SGIP1: variants seen among roughly 807,000 people sequenced by gnomAD.
The protein encoded by SGIP1 is SH3GL interacting endocytic adaptor 1.
In SGIP1, 38 loss-of-function variants were observed where a neutral mutation model predicts 107.5. The ratio of observed to expected loss-of-function variants is 0.35; its 90% CI spans 0.27 to 0.46. SGIP1 has a LOEUF of 0.46. SGIP1 is among the 20% of genes least tolerant of loss of function. The pLI is 1.00. For missense variants in SGIP1, 929 were observed against 1,019.5 expected (o/e 0.91, Z 1.21); for synonymous variants, 365 against 366.1 (o/e 1.00, Z 0.03).
intron 1 of SGIP1, among the ~76,000 whole-genome samples, chr1:66,594,557 G>A (rs567808385): frequency 6.6e-6 from 1 of 152,264 alleles, no homozygotes; most frequent in Admixed American, 6.5e-5. Context: ...CAGGTACTTG[G>A]TTTTGCCAGT....
At chr1:66,676,207 G>C (rs1026482202) in intron 12 of SGIP1, among the ~76,000 whole-genome samples, 1 of 152,158 alleles carries the variant, frequency 6.6e-6, no homozygotes, top group African/African-American at 2.4e-5. Context: ...AAGGTCCTAC[G>C]GTCAGTGCAG....
At chr1:66,616,948 A>G (rs2069470919) in intron 1 of SGIP1, among the ~76,000 whole-genome samples, 1 of 152,074 alleles carries the variant, frequency 6.6e-6, no homozygotes, top group Non-Finnish European at 1.5e-5. Context: ...TTTGCAATCT[A>G]TTGCTAATGG....
At position 66,745,224 on chromosome 1, in the gene SGIP1, A is replaced by T. The variant is rs2094536715; in HGVS notation, c.*2129A>T. 2 of 152,048 alleles carry T rather than the reference A, an allele frequency of 1.3e-5. No homozygotes were observed. The highest frequency in any genetic ancestry group is 4.1e-4 in the South Asian group (2 of 4,830). 9.4% of individuals were successfully genotyped at this position (152,048 alleles called of 1,614,324 possible). A position where few individuals can be genotyped will look rare whatever the true frequency, so the allele number is the denominator to read the frequency against. ...TTTAAAAATTTAATTAAAAACATAG[A>T]TTACAGTAATCTCTAACATTATTCA... On this transcript the variant is annotated 3_prime_UTR_variant, in exon 25 of 25. Coordinates refer to ENST00000371037, the MANE Select transcript of SGIP1 (RefSeq NM_032291.4).
intron 17 of SGIP1, among the ~76,000 whole-genome samples, chr1:66,692,389 T>C (rs1214968818): frequency 6.6e-6 from 1 of 152,174 alleles, no homozygotes; most frequent in African/African-American, 2.4e-5. Flanking sequence ...TTTAATCTGT[T>C]TGATTTTGTT....
chr1:66,628,698 T>G (rs980502024), intron 2 of SGIP1, among the ~76,000 whole-genome samples: 3 of 152,210 alleles, frequency 2.0e-5, no homozygotes, highest in African/African-American at 7.2e-5. Flanking sequence ...GCTGAACTAA[T>G]TTACATGTAG....
At chr1:66,648,779 A>G (rs1168011128) in intron 7 of SGIP1, among the ~76,000 whole-genome samples, 1 of 152,102 alleles carries the variant, frequency 6.6e-6, no homozygotes, top group Non-Finnish European at 1.5e-5. Context: ...ATCACAAGCC[A>G]GTGTGTAGTA....
intron 1 of SGIP1, among the ~76,000 whole-genome samples, chr1:66,560,586 CA>C (rs2058785576): frequency 6.6e-6 from 1 of 152,140 alleles, no homozygotes; most frequent in South Asian, 2.1e-4. Flanking sequence ...AGTGAACTGC[CA>C]AAAACTACTT....
At chr1:66,630,847 GAAAGAAAGAAAGAAAGAAAGAAAGAAA>G (rs2074200511) in intron 2 of SGIP1, among the ~76,000 whole-genome samples, 6 of 17,284 alleles carry the variant, frequency 3.5e-4, no homozygotes, top group African/African-American at 1.8e-3. Flanking sequence ...AAGAAAGAAA[GAAAGAAAGAAAGAAAGAAAGAAAGAAA>G]GAAAGAAAGA....
intron 1 of SGIP1, among the ~76,000 whole-genome samples, chr1:66,589,791 G>A (rs1389323262): frequency 6.6e-6 from 1 of 151,980 alleles, no homozygotes. Flanking sequence ...ACCCTCCATG[G>A]CCTATACAAA....
chr1:66,597,977 T>C (rs184413941), intron 1 of SGIP1, among the ~76,000 whole-genome samples: 4 of 152,010 alleles, frequency 2.6e-5, no homozygotes, highest in Non-Finnish European at 5.9e-5. Context: ...GATTTTAAAG[T>C]CCTATATAGT....
intron 12 of SGIP1, among the ~76,000 whole-genome samples, chr1:66,676,307 A>G (rs980503153): frequency 6.6e-6 from 1 of 152,226 alleles, no homozygotes; most frequent in Admixed American, 6.5e-5. Flanking sequence ...TCCCTGCCAC[A>G]GGATAGGTAC....
chr1:66,733,444 G>A (rs2094107150), intron 20 of SGIP1, among the ~76,000 whole-genome samples: 1 of 152,138 alleles, frequency 6.6e-6, no homozygotes, highest in Non-Finnish European at 1.5e-5. Context: ...TTAAGTTTGA[G>A]TTAATAAATA....
intron 1 of SGIP1, among the ~76,000 whole-genome samples, chr1:66,609,420 G>A (rs1039130747): frequency 1.3e-5 from 2 of 152,152 alleles, no homozygotes; most frequent in Non-Finnish European, 2.9e-5. Context: ...AAGCAAATAT[G>A]TAGAGCACAA....
rs116062907 is a variant in SGIP1 at position 66,551,011 on chromosome 1, G to C, written c.10+16643G>C. On this transcript the variant is annotated intron_variant, in intron 1 of 24. Coordinates refer to ENST00000371037, the MANE Select transcript of SGIP1 (RefSeq NM_032291.4). ...TCTCTGCACCACAGCAATTGACAGT[G>C]ATAATAACTAAGATTATTATAGCAT... 6.6e-3 allele frequency among the ~76,000 whole-genome samples: 1,005 copies of C among 152,212 alleles called. 10 individuals are homozygous for C. The highest frequency in any genetic ancestry group is 0.023 in the African/African-American group (940 of 41,550).
At chr1:66,554,752 T>G (rs143031909) in intron 1 of SGIP1, among the ~76,000 whole-genome samples, 2 of 152,090 alleles carry the variant, frequency 1.3e-5, no homozygotes, top group African/African-American at 4.8e-5. Context: ...AAATTCAGAA[T>G]CTAAGACACT....
intron 1 of SGIP1, among the ~76,000 whole-genome samples, chr1:66,597,454 C>T (rs546325378): frequency 6.6e-6 from 1 of 152,188 alleles, no homozygotes; most frequent in Non-Finnish European, 1.5e-5. Flanking sequence ...AAAGTGAGAT[C>T]TGGTGCTTTT....
At chr1:66,719,723 A>G (rs1009281989) in intron 19 of SGIP1, among the ~76,000 whole-genome samples, 3 of 152,196 alleles carry the variant, frequency 2.0e-5, no homozygotes, top group Non-Finnish European at 4.4e-5. Context: ...GTCTGTCAAC[A>G]ATGAGGAAAT....
intron 18 of SGIP1, among the ~76,000 whole-genome samples, chr1:66,702,853 C>G (rs1435579678): frequency 6.6e-6 from 1 of 152,184 alleles, no homozygotes; most frequent in Admixed American, 6.5e-5. Context: ...AAGCCTTTCA[C>G]TCCCCAGAGA....
intron 2 of SGIP1, 94 bp downstream of exon 2, chr1:66,626,004 A>T: frequency 1.1e-6 from 1 of 891,478 alleles, no homozygotes; most frequent in Non-Finnish European, 1.7e-6. Context: ...GTTTTCTCGG[A>T]TATTGTGTAC....
Sources: allele counts gnomAD v4.1 joint callset (sites outside exome capture counted in the v4.1 genomes callset), GRCh38; gene constraint gnomAD v4.1.1; transcripts MANE v1.5; gene names NCBI Gene and HGNC (gene_info 2026-07-23, HGNC 2026-07-21).